Variants in SPMIP2 observed in about 807,000 individuals in gnomAD.
SPMIP2 encodes the protein sperm microtubule inner protein 2, also known as protein SPMIP2.
chr4:158,948,881 G>T, the SPMIP2 span, among the ~76,000 whole-genome samples: 1 of 152,050 alleles, frequency 6.6e-6, no homozygotes, highest in African/African-American at 2.4e-5. Flanking sequence ...TAGAATTACA[G>T]GCAAGAGCCA....
the SPMIP2 span, chr4:159,007,809 G>T: frequency 1.8e-6 from 1 of 569,226 alleles, no homozygotes. Context: ...CAACCCGAAG[G>T]GTGAAGAGAA....
the SPMIP2 span, among the ~76,000 whole-genome samples, chr4:158,943,853 A>ATTTTCT: frequency 2.2e-5 from 1 of 46,482 alleles, no homozygotes; most frequent in African/African-American, 8.4e-5. Flanking sequence ...TACTATTGAC[A>ATTTTCT]TTTTCTTTTT....
chr4:159,074,917 C>G, the SPMIP2 span, among the ~76,000 whole-genome samples: 3 of 152,152 alleles, frequency 2.0e-5, no homozygotes, highest in Admixed American at 2.0e-4. Context: ...GGGGAAACCA[C>G]AGTGATGCAA....
At chr4:158,940,623 G>A in the SPMIP2 span, among the ~76,000 whole-genome samples, 24 of 134,372 alleles carry the variant, frequency 1.8e-4, no homozygotes, top group African/African-American at 6.2e-4. Flanking sequence ...TTTCTATTTG[G>A]TTATGCACTA....
At chr4:159,001,045 G>C in the SPMIP2 span, among the ~76,000 whole-genome samples, 1 of 152,120 alleles carries the variant, frequency 6.6e-6, no homozygotes, top group South Asian at 2.1e-4. Flanking sequence ...TGGATCATAT[G>C]GTAGATGTAT....
chr4:159,059,718 G>C, the SPMIP2 span, among the ~76,000 whole-genome samples: 1 of 152,146 alleles, frequency 6.6e-6, no homozygotes, highest in African/African-American at 2.4e-5. Context: ...GTGATCCCTG[G>C]GGTATTGGAA....
the SPMIP2 span, among the ~76,000 whole-genome samples, chr4:158,914,045 C>A: frequency 6.6e-6 from 1 of 152,056 alleles, no homozygotes; most frequent in Non-Finnish European, 1.5e-5. Flanking sequence ...AATAAGAAGT[C>A]TTTTAACAGA....
the SPMIP2 span, among the ~76,000 whole-genome samples, chr4:159,045,605 T>C: frequency 6.6e-6 from 1 of 152,122 alleles, no homozygotes; most frequent in Non-Finnish European, 1.5e-5. Flanking sequence ...AGAGAAAGGG[T>C]GAGAGAAGGC....
At chr4:158,960,078 C>T in the SPMIP2 span, among the ~76,000 whole-genome samples, 100,265 of 151,874 alleles carry the variant, frequency 0.66, 33,339 homozygotes, top group South Asian at 0.8. Flanking sequence ...AACTATGTTG[C>T]GTTATTCCTT....
chr4:158,915,205 G>A, the SPMIP2 span: 1 of 1,613,580 alleles, frequency 6.2e-7, no homozygotes, highest in African/African-American at 1.3e-5. Flanking sequence ...AGCTTAGGTG[G>A]TTTGGAAGCT....
the SPMIP2 span, chr4:158,904,611 T>A: frequency 7.4e-7 from 1 of 1,345,868 alleles, no homozygotes; most frequent in Non-Finnish European, 1.1e-6. Context: ...GAGAAAGGAA[T>A]AAGCTCTCTG....
At chr4:158,946,564 C>T in the SPMIP2 span, among the ~76,000 whole-genome samples, 1 of 152,184 alleles carries the variant, frequency 6.6e-6, no homozygotes, top group Admixed American at 6.5e-5. Context: ...TGCCTTGCTT[C>T]TCTTTCGCCT....
the SPMIP2 span, among the ~76,000 whole-genome samples, chr4:159,024,504 A>AC: frequency 3.5e-4 from 53 of 152,160 alleles, 1 homozygote; most frequent in South Asian, 1.0e-3. Context: ...AACTTGTGCT[A>AC]CCTCTCCTCT....
the SPMIP2 span, among the ~76,000 whole-genome samples, chr4:158,916,827 A>G: frequency 6.6e-6 from 1 of 152,198 alleles, no homozygotes; most frequent in African/African-American, 2.4e-5. Flanking sequence ...TATTTTTAGT[A>G]GAGATAGGGT....
the SPMIP2 span, among the ~76,000 whole-genome samples, chr4:158,989,196 C>T: frequency 6.6e-6 from 1 of 152,140 alleles, no homozygotes; most frequent in Non-Finnish European, 1.5e-5. Context: ...AGGATCTCCT[C>T]AAGAAGAACT....
the SPMIP2 span, among the ~76,000 whole-genome samples, chr4:158,960,633 C>T: frequency 6.6e-6 from 1 of 152,044 alleles, no homozygotes; most frequent in South Asian, 2.1e-4. Flanking sequence ...AAGTTGCTTT[C>T]CAGCTTTATG....
At chr4:158,977,493 T>G in the SPMIP2 span, among the ~76,000 whole-genome samples, 1 of 152,100 alleles carries the variant, frequency 6.6e-6, no homozygotes, top group African/African-American at 2.4e-5. Flanking sequence ...CTTTCTTCTT[T>G]ATTAGTCTGG....
the SPMIP2 span, among the ~76,000 whole-genome samples, chr4:159,037,827 CATAT>C: frequency 4.0e-5 from 5 of 125,922 alleles, no homozygotes; most frequent in African/African-American, 1.2e-4. Flanking sequence ...CACACACACA[CATAT>C]ATATATGTAT....
the SPMIP2 span, among the ~76,000 whole-genome samples, chr4:158,965,561 C>G: frequency 3.3e-5 from 5 of 151,830 alleles, no homozygotes; most frequent in South Asian, 2.1e-4. Context: ...ATGCTCCCCC[C>G]AAGTTAATTG....
Sources: allele counts gnomAD v4.1 joint callset (sites outside exome capture counted in the v4.1 genomes callset), GRCh38; gene constraint gnomAD v4.1.1; transcripts MANE v1.5; gene names NCBI Gene and HGNC (gene_info 2026-07-23, HGNC 2026-07-21).